Variants in GK observed in about 807,000 individuals in gnomAD.
The protein encoded by GK is glycerol kinase, also known as ATP:glycerol 3-phosphotransferase.
In GK, 9 loss-of-function variants were observed where a neutral mutation model predicts 56.4. The ratio of observed to expected loss-of-function variants is 0.16; its 90% confidence interval spans 0.10 to 0.28. The LOEUF is 0.28. Among genes scored for constraint, GK ranks in the 10% least tolerant of loss-of-function variants. The pLI is 1.00. For missense variants in GK, 161 were observed against 431.4 expected, an observed-to-expected ratio of 0.37 and a Z score of 5.55; for synonymous variants, 104 against 144.1, an observed-to-expected ratio of 0.72 and a Z score of 1.99.
At chrX:30,690,944 T>C (rs1203730426) in intron 4 of GK, among the ~76,000 whole-genome samples, 179 bp from the exon 5 acceptor site, 2 of 112,382 alleles carry the variant, frequency 1.8e-5, no homozygotes, top group Non-Finnish European at 3.8e-5. Flanking sequence ...CTCATAAATT[T>C]ATTTTTATCT....
chrX:30,694,935 G>A, intron 6 of GK: 2 of 245,969 alleles, frequency 8.1e-6, no homozygotes, highest in Non-Finnish European at 1.5e-5. Context: ...TTACATAACT[G>A]TCTCTTGTAT....
chrX:30,664,036 GATATATATTTTATATATATCT>G (rs1312308323), intron 1 of GK, among the ~76,000 whole-genome samples: 2 of 77,241 alleles, frequency 2.6e-5, no homozygotes, highest in African/African-American at 5.1e-5. Flanking sequence ...ATATTTTATA[GATATATATTTTATATATATCT>G]ATATATATTT....
At chrX:30,667,649 G>A (rs191301202) in intron 2 of GK, among the ~76,000 whole-genome samples, 17 of 111,661 alleles carry the variant, frequency 1.5e-4, no homozygotes, top group Middle Eastern at 4.6e-3. Flanking sequence ...AATAATCAGC[G>A]ATTAGTGAAA....
chrX:30,727,827 C>G (rs936158893), intron 20 of GK, among the ~76,000 whole-genome samples: 1 of 111,480 alleles, frequency 9.0e-6, no homozygotes, highest in African/African-American at 3.2e-5. Context: ...AGTGAAAATA[C>G]TAATATTTAA....
intron 1 of GK, among the ~76,000 whole-genome samples, chrX:30,656,623 T>A (rs1413548297): frequency 2.7e-5 from 3 of 111,194 alleles, no homozygotes; most frequent in Admixed American, 9.6e-5. Context: ...ACAGCACTTT[T>A]AAAAATACTT....
chrX:30,684,925 A>AT (rs1236723636), intron 4 of GK, among the ~76,000 whole-genome samples: 1 of 110,801 alleles, frequency 9.0e-6, no homozygotes, highest in African/African-American at 3.3e-5. Context: ...TCGTTTTTAC[A>AT]TTTTTTTAAC....
At chrX:30,660,994 A>G (rs753080462) in intron 1 of GK, among the ~76,000 whole-genome samples, 1 of 108,658 alleles carries the variant, frequency 9.2e-6, no homozygotes, top group Admixed American at 9.9e-5. Flanking sequence ...TTGTGTTTTT[A>G]GTAGGGACGG....
At chrX:30,691,020 C>T in intron 4 of GK, 103 bp from the exon 5 acceptor site, 1 of 487,836 alleles carries the variant, frequency 2.0e-6, no homozygotes, top group Non-Finnish European at 3.6e-6. Flanking sequence ...AATTTTAATT[C>T]CTTATAGAAA....
intron 2 of GK, among the ~76,000 whole-genome samples, chrX:30,667,263 G>A (rs890318165): frequency 8.9e-6 from 1 of 112,338 alleles, no homozygotes; most frequent in African/African-American, 3.2e-5. Flanking sequence ...AAGAAAGGCA[G>A]TTGGAATTCC....
chrX:30,722,659 A>C (rs183772076), intron 18 of GK, among the ~76,000 whole-genome samples: 2 of 112,263 alleles, frequency 1.8e-5, no homozygotes, highest in African/African-American at 6.5e-5. Context: ...TGATGTGGGG[A>C]TATAGAGATG....
chrX:30,658,289 C>T (rs1348237418), intron 1 of GK, among the ~76,000 whole-genome samples: 2 of 111,574 alleles, frequency 1.8e-5, no homozygotes, highest in African/African-American at 6.5e-5. Flanking sequence ...TGAGGCCACT[C>T]TTGTGATAAG....
intron 4 of GK, among the ~76,000 whole-genome samples, chrX:30,688,427 G>A (rs1411571629): frequency 9.5e-6 from 1 of 105,691 alleles, no homozygotes; most frequent in Non-Finnish European, 1.9e-5. Flanking sequence ...AGTTTCTCCC[G>A]GGAGGCGGAG....
intron 4 of GK, among the ~76,000 whole-genome samples, chrX:30,688,373 C>G (rs192990781): frequency 9.1e-6 from 1 of 109,774 alleles, no homozygotes; most frequent in African/African-American, 3.3e-5. Context: ...ATAATTGGAA[C>G]ACACCTAGTA....
chrX:30,665,815 A>G (rs1219722431), intron 2 of GK, among the ~76,000 whole-genome samples: 1 of 112,320 alleles, frequency 8.9e-6, no homozygotes, highest in East Asian at 2.8e-4. Flanking sequence ...TAATAAAGCA[A>G]AAGAGTATTA....
At chrX:30,701,247 T>C (rs1375662417) in intron 11 of GK, among the ~76,000 whole-genome samples, 1 of 110,768 alleles carries the variant, frequency 9.0e-6, no homozygotes, top group Non-Finnish European at 1.9e-5. Context: ...CCATCTCTAC[T>C]AAAAGTACAA....
intron 4 of GK, among the ~76,000 whole-genome samples, chrX:30,689,915 G>A (rs1934841464): frequency 9.0e-6 from 1 of 111,650 alleles, no homozygotes. Context: ...TGTTTTCTTG[G>A]TTGTGGTGAG....
At chrX:30,687,527 C>T in intron 4 of GK, 1 of 342,099 alleles carries the variant, frequency 2.9e-6, no homozygotes, top group Non-Finnish European at 5.9e-6. Flanking sequence ...TCTTCTAATG[C>T]TCCAGCTGCT....
intron 2 of GK, among the ~76,000 whole-genome samples, chrX:30,667,015 G>A (rs1424724874): frequency 9.0e-6 from 1 of 110,628 alleles, no homozygotes. Context: ...TTAGCCGGGC[G>A]TGGTGGCGGG....
chrX:30,674,912 A>G (rs1933772094), intron 3 of GK, among the ~76,000 whole-genome samples: 1 of 111,988 alleles, frequency 8.9e-6, no homozygotes, highest in South Asian at 3.7e-4. Flanking sequence ...TGGTCAGAAC[A>G]TTCCTAGAGT....
Sources: gnomAD v4.1 joint callset for allele counts (sites outside exome capture counted in the v4.1 genomes callset) on GRCh38, gnomAD v4.1.1 for gene constraint, MANE v1.5 for transcripts, NCBI Gene and HGNC (gene_info 2026-07-23, HGNC 2026-07-21) for gene names.